Variants in CNOT6 observed in about 807,000 individuals in gnomAD.
CNOT6 encodes the protein CCR4-NOT transcription complex subunit 6.
Under a neutral mutation model 61.2 loss-of-function variants are expected in CNOT6, and 12 were observed. The ratio of observed to expected loss-of-function variants is 0.20; its 90% CI spans 0.13 to 0.32. CNOT6 has a LOEUF of 0.32. Among genes scored for constraint, CNOT6 ranks in the 10% least tolerant of loss-of-function variants. The pLI is 1.00. For missense variants in CNOT6, 405 were observed against 663.9 expected (o/e 0.61, Z 4.28); for synonymous variants, 225 against 240.6 (o/e 0.94, Z 0.60).
At chr5:180,554,472 A>G (rs1759777797) in intron 4 of CNOT6, among the ~76,000 whole-genome samples, 1 of 152,008 alleles carries the variant, frequency 6.6e-6, no homozygotes, top group African/African-American at 2.4e-5. Context: ...ACAGTTATAT[A>G]AAAGGTTTTA....
chr5:180,556,249 T>G (rs1013567690), intron 4 of CNOT6, among the ~76,000 whole-genome samples: 1 of 152,194 alleles, frequency 6.6e-6, no homozygotes, highest in African/African-American at 2.4e-5. Context: ...AGAATGGTTG[T>G]TCCCAGAGGC....
chr5:180,568,011 C>A lies in CNOT6; in HGVS notation c.1027+8C>A, dbSNP rs1358966795. 2 of 1,592,674 alleles carry A rather than the reference C, an allele frequency of 1.3e-6. No individual in the cohort carries two copies. Among genetic ancestry groups the A allele is most frequent in the Non-Finnish European group, 1.7e-6 (2 of 1,167,106 alleles). On this transcript the variant is annotated splice_region_variant and intron_variant, in intron 9 of 11. Coordinates refer to ENST00000261951, the MANE Select transcript of CNOT6 (RefSeq NM_001370472.1). ...AATCGATTGAAATGCCGTGTGAGTG[C>A]CCTTCACTTCCTGTAAAATTGACCA...
At chr5:180,522,796 G>C (rs1175201242) in intron 1 of CNOT6, among the ~76,000 whole-genome samples, 1 of 152,106 alleles carries the variant, frequency 6.6e-6, no homozygotes, top group Non-Finnish European at 1.5e-5. Context: ...GTGGGAGAGG[G>C]CATGGAAGCT....
At chr5:180,550,978 G>C (rs2127744910) in intron 3 of CNOT6, among the ~76,000 whole-genome samples, 1 of 152,194 alleles carries the variant, frequency 6.6e-6, no homozygotes, top group South Asian at 2.1e-4. Context: ...TCTTGACCCA[G>C]GATAAGGGAT....
intron 2 of CNOT6, among the ~76,000 whole-genome samples, chr5:180,547,402 C>A (rs180836608): frequency 0.018 from 2,689 of 151,940 alleles, 72 homozygotes; most frequent in African/African-American, 0.06. Context: ...CGCCTGTAAT[C>A]CCAGCTACCC....
chr5:180,527,341 T>C (rs1758145789), intron 1 of CNOT6, among the ~76,000 whole-genome samples: 1 of 152,354 alleles, frequency 6.6e-6, no homozygotes, highest in South Asian at 2.1e-4. Flanking sequence ...TTTCAGACCA[T>C]TGATTTGTTC....
At chr5:180,567,753 C>G (rs1321693413) in intron 8 of CNOT6, 96 bp from the exon 9 acceptor site, 1 of 1,536,336 alleles carries the variant, frequency 6.5e-7, no homozygotes, top group Non-Finnish European at 9.0e-7. Flanking sequence ...GCCATCGTAT[C>G]TGTTAAGGAA....
intron 2 of CNOT6, among the ~76,000 whole-genome samples, chr5:180,538,833 C>T (rs1379354342): frequency 2.6e-5 from 4 of 151,246 alleles, no homozygotes; most frequent in East Asian, 2.0e-4. Context: ...GAGCTGAGAT[C>T]GCACCACTGT....
At chr5:180,508,419 C>CA (rs1554096625) in intron 1 of CNOT6, among the ~76,000 whole-genome samples, 1 of 152,136 alleles carries the variant, frequency 6.6e-6, no homozygotes, top group Non-Finnish European at 1.5e-5. Context: ...TCAAGCGATT[C>CA]ACCTGCCTCA....
chr5:180,542,561 G>A (rs1055909003), intron 2 of CNOT6, among the ~76,000 whole-genome samples: 2 of 152,154 alleles, frequency 1.3e-5, no homozygotes, highest in East Asian at 1.9e-4. Flanking sequence ...CACTGCACCC[G>A]GCCGCTTGTT....
intron 1 of CNOT6, among the ~76,000 whole-genome samples, chr5:180,499,015 T>C (rs1245891465): frequency 6.6e-6 from 1 of 152,156 alleles, no homozygotes; most frequent in African/African-American, 2.4e-5. Flanking sequence ...GGCTTTAAAC[T>C]CCTGACCTCA....
intron 9 of CNOT6, among the ~76,000 whole-genome samples, 192 bp from the exon 10 acceptor site, chr5:180,568,918 G>T (rs891253450): frequency 5.9e-5 from 9 of 152,204 alleles, no homozygotes; most frequent in Non-Finnish European, 1.3e-4. Flanking sequence ...CCCTGTGCTG[G>T]AAGCATCAGC....
intron 1 of CNOT6, among the ~76,000 whole-genome samples, chr5:180,520,537 G>C (rs1055693965): frequency 6.6e-6 from 1 of 151,978 alleles, no homozygotes; most frequent in Non-Finnish European, 1.5e-5. Flanking sequence ...AGCTACTCGG[G>C]AGGCTGAGGC....
At chr5:180,542,239 G>A (rs1561650478) in intron 2 of CNOT6, among the ~76,000 whole-genome samples, 1 of 151,266 alleles carries the variant, frequency 6.6e-6, no homozygotes, top group Non-Finnish European at 1.5e-5. Flanking sequence ...TGAGCTCGTC[G>A]GCTCTGGGTT....
intron 1 of CNOT6, among the ~76,000 whole-genome samples, chr5:180,527,279 A>C (rs1392375676): frequency 6.6e-6 from 1 of 152,138 alleles, no homozygotes; most frequent in Non-Finnish European, 1.5e-5. Context: ...ATTGCATTTG[A>C]TTGCTGTGCC....
intron 2 of CNOT6, among the ~76,000 whole-genome samples, chr5:180,548,898 A>G (rs1287160163): frequency 6.6e-6 from 1 of 152,166 alleles, no homozygotes; most frequent in Non-Finnish European, 1.5e-5. Flanking sequence ...CAGTAAGGAG[A>G]TTATGGGGAA....
At chr5:180,553,250 C>G (rs974305077) in intron 3 of CNOT6, 136 bp from the exon 4 acceptor site, 1 of 329,032 alleles carries the variant, frequency 3.0e-6, no homozygotes, top group Non-Finnish European at 6.0e-6. Context: ...ATTTAAGAAA[C>G]GCAGTACTAG....
chr5:180,558,814 T>C (rs1760031631), intron 4 of CNOT6, among the ~76,000 whole-genome samples: 1 of 50,002 alleles, frequency 2.0e-5, no homozygotes, highest in South Asian at 6.4e-4. Context: ...TTTATTTGTT[T>C]GTTTATTATT....
chr5:180,517,044 C>T (rs1757666736), intron 1 of CNOT6, among the ~76,000 whole-genome samples: 1 of 152,158 alleles, frequency 6.6e-6, no homozygotes, highest in Admixed American at 6.5e-5. Flanking sequence ...CGTTTTCTAC[C>T]TTATGATCAG....
Sources: gnomAD v4.1 joint callset for allele counts (sites outside exome capture counted in the v4.1 genomes callset) on GRCh38, gnomAD v4.1.1 for gene constraint, MANE v1.5 for transcripts, NCBI Gene and HGNC (gene_info 2026-07-23, HGNC 2026-07-21) for gene names.